NAV1: variants seen among roughly 807,000 people sequenced by gnomAD.
NAV1 encodes the protein pore membrane and/or filament interacting like protein 3.
Under a neutral mutation model 175.2 loss-of-function variants are expected in NAV1, and 18 were observed. The ratio of observed to expected loss-of-function variants is 0.10; its 90% CI spans 0.07 to 0.15. The LOEUF (loss-of-function observed/expected upper bound fraction) is 0.15, where lower values mean the gene tolerates loss of function less well. NAV1 is among the 10% of genes least tolerant of loss of function. The probability of loss-of-function intolerance (pLI) is 1.00; values close to 1 mark genes in which losing one functional copy is unlikely to be tolerated. For missense variants in NAV1, 1,731 were observed against 2,436.6 expected (o/e 0.71, Z 6.10); for synonymous variants, 897 against 978.7 (o/e 0.92, Z 1.56).
At chr1:201,801,272 C>T (rs1677848930) in intron 15 of NAV1, among the ~76,000 whole-genome samples, 1 of 152,122 alleles carries the variant, frequency 6.6e-6, no homozygotes, top group Non-Finnish European at 1.5e-5. Context: ...CTTGTTTTCC[C>T]TGTAGTATCA....
intron 1 of NAV1, among the ~76,000 whole-genome samples, chr1:201,566,955 G>A (rs1346389321): frequency 2.6e-5 from 4 of 152,094 alleles, no homozygotes; most frequent in Non-Finnish European, 5.9e-5. Context: ...TGTATGTACT[G>A]TAATTTGCTC....
intron 2 of NAV1, among the ~76,000 whole-genome samples, chr1:201,610,531 G>A (rs2102252232): frequency 1.3e-5 from 2 of 152,354 alleles, no homozygotes; most frequent in Middle Eastern, 6.8e-3. Context: ...TGAGGGAGGT[G>A]TTGGAGGAAT....
rs145596827 is a variant in NAV1 at position 201,631,329 on chromosome 1, A to C, written c.4+1822A>C. Among the ~76,000 whole-genome samples, 55 of 152,296 alleles carry C rather than the reference A, an allele frequency of 3.6e-4. 1 individual carries two copies. In the East Asian group the frequency reaches 0.011, roughly 29 times the overall value. On this transcript the variant is annotated intron_variant, in intron 2 of 29. Transcript: ENST00000367302. ...CTTCTGAGCTTGAAGAAAACAGAGA[A>C]GAGAGGAAGAGAGGAGGCAACTGAA...
chr1:201,702,860 C>T (rs989554890), intron 1 of NAV1, among the ~76,000 whole-genome samples: 1 of 152,140 alleles, frequency 6.6e-6, no homozygotes, highest in African/African-American at 2.4e-5. Context: ...CCCAGGCTTC[C>T]GTTTTTCTCA....
intron 1 of NAV1, among the ~76,000 whole-genome samples, chr1:201,659,212 A>G (rs1015215368): frequency 7.2e-5 from 11 of 152,240 alleles, no homozygotes; most frequent in Admixed American, 2.6e-4. Flanking sequence ...TGGCAGGCAT[A>G]AGTGGTGTGG....
chr1:201,635,600 T>C (rs1046348301), intron 2 of NAV1, among the ~76,000 whole-genome samples: 3 of 152,174 alleles, frequency 2.0e-5, no homozygotes, highest in African/African-American at 7.2e-5. Context: ...TTCCTGGGAC[T>C]ATAAGCAACA....
At chr1:201,680,016 A>G (rs1558060844) in intron 1 of NAV1, among the ~76,000 whole-genome samples, 1 of 152,174 alleles carries the variant, frequency 6.6e-6, no homozygotes. Flanking sequence ...CTGCATTGCT[A>G]AAAAGGAATA....
At chr1:201,590,078 A>G (rs1037055461) in intron 2 of NAV1, among the ~76,000 whole-genome samples, 4 of 151,984 alleles carry the variant, frequency 2.6e-5, no homozygotes, top group Non-Finnish European at 5.9e-5. Flanking sequence ...TTTTTAGTGG[A>G]GATGGGATTT....
chr1:201,607,870 T>TTTTGTGTGTGTGTGTG (rs565100210), intron 2 of NAV1, among the ~76,000 whole-genome samples: 1 of 138,192 alleles, frequency 7.2e-6, no homozygotes, highest in African/African-American at 2.7e-5. Flanking sequence ...GATAACTTTA[T>TTTTGTGTGTGTGTGTG]TGTGTGTGTG....
At chr1:201,774,129 GCT>G (rs35012459) in intron 3 of NAV1, among the ~76,000 whole-genome samples, 10,869 of 152,180 alleles carry the variant, frequency 0.071, 787 homozygotes, top group East Asian at 0.24. Context: ...TTGTTGCCCA[GCT>G]CTCTTTTCTG....
intron 3 of NAV1, among the ~76,000 whole-genome samples, chr1:201,780,005 T>C (rs61821732): frequency 2.0e-5 from 3 of 152,144 alleles, no homozygotes; most frequent in Non-Finnish European, 4.4e-5. Context: ...TTACCAGTTA[T>C]AGACATTTTT....
At chr1:201,630,036 CA>C (rs1424974447) in intron 2 of NAV1, among the ~76,000 whole-genome samples, 1 of 152,152 alleles carries the variant, frequency 6.6e-6, no homozygotes, top group Non-Finnish European at 1.5e-5. Context: ...TCAAATACAG[CA>C]ATATTCAATA....
At position 201,740,014 on chromosome 1, in the gene NAV1, G is replaced by C; in HGVS notation, c.1226+21259G>C. 1 of 1,480,760 alleles carries C rather than the reference G, an allele frequency of 6.8e-7. No homozygotes were observed. The highest frequency in any genetic ancestry group is 9.0e-7 in the Non-Finnish European group (1 of 1,113,046). 91.7% of individuals were successfully genotyped at this position (1,480,760 alleles called of 1,614,324 possible). The stretch of plus-strand genomic sequence containing the variant: ...GCCCACCCGGTGAATGGCCGCCTGA[G>C]CCGGGGAAGATGCTTCATCTGCCCC... On this transcript the variant is annotated intron_variant, in intron 3 of 29. Transcript: ENST00000367296. This position sits in a 1 kb window ranked among gnomAD's most constrained non-coding sequence, Gnocchi z 4.7.
chr1:201,772,155 A>G (rs1172302062), intron 3 of NAV1, among the ~76,000 whole-genome samples: 1 of 152,254 alleles, frequency 6.6e-6, no homozygotes, highest in African/African-American at 2.4e-5. Flanking sequence ...AACTATTTCA[A>G]GGCAGACCAC....
rs1190504723 is a variant in NAV1, at chr1:201,728,626, G to GA, written c.1226+9879dup. Among the ~76,000 whole-genome samples the GA allele has an allele frequency of 1.0e-4, 15 of 148,136 alleles. No homozygotes were observed. The East Asian group carries it at 2.2e-3, about 22-fold the overall frequency. On this transcript the variant is annotated intron_variant, in intron 3 of 29. Transcript: ENST00000367296. ...AAAAAAAAAAAAAAAGAAAAGAAAA[G>GA]AAAAAAAAGACATCTGTAGAGACAG...
At chr1:201,715,098 C>T (rs1474264474) in intron 2 of NAV1, among the ~76,000 whole-genome samples, 1 of 151,656 alleles carries the variant, frequency 6.6e-6, no homozygotes, top group African/African-American at 2.4e-5. Flanking sequence ...CTCTCATAGG[C>T]TTTGGTTTAT....
chr1:201,805,975 T>C (rs1008367264), intron 17 of NAV1, among the ~76,000 whole-genome samples: 4 of 144,554 alleles, frequency 2.8e-5, no homozygotes, highest in Non-Finnish European at 6.0e-5. Context: ...GTACTGCATT[T>C]TCTCTCTCTC....
intron 1 of NAV1, among the ~76,000 whole-genome samples, chr1:201,568,921 T>C (rs1042734978): frequency 4.6e-5 from 7 of 151,942 alleles, no homozygotes; most frequent in African/African-American, 1.7e-4. Flanking sequence ...GAATGGCAGG[T>C]CCTAGGGAGG....
intron 3 of NAV1, among the ~76,000 whole-genome samples, chr1:201,762,181 A>C (rs2102637693): frequency 6.6e-6 from 1 of 152,210 alleles, no homozygotes; most frequent in South Asian, 2.1e-4. Flanking sequence ...CAAACAAAAA[A>C]CCCAAAAAAC....
Sources: allele counts gnomAD v4.1 joint callset (sites outside exome capture counted in the v4.1 genomes callset), GRCh38; gene constraint gnomAD v4.1.1; non-coding constraint Gnocchi (gnomAD v3.1); transcripts MANE v1.5; gene names NCBI Gene and HGNC (gene_info 2026-07-23, HGNC 2026-07-21).